Variants in PCDH11X observed in about 807,000 individuals in gnomAD.
PCDH11X encodes protocadherin 11 X-linked.
A neutral mutation model predicts 53.3 loss-of-function variants in PCDH11X; 18 were observed. That is an observed-to-expected ratio of 0.34 (90% CI 0.23 to 0.50). The LOEUF is 0.50. PCDH11X is among the 20% of genes least tolerant of loss of function. PCDH11X has a pLI of 0.98. For synonymous variants in PCDH11X, 279 were observed against 393.3 expected (o/e 0.71, Z 3.44); for missense variants, 570 against 1,032.4 (o/e 0.55, Z 6.14).
intron 6 of PCDH11X, among the ~76,000 whole-genome samples, chrX:92,197,513 G>C (rs965300879): frequency 9.0e-6 from 1 of 111,658 alleles, no homozygotes; most frequent in Non-Finnish European, 1.9e-5. Context: ...TATTTCCACA[G>C]TAAGGGTCAT....
At position 91,939,994 on chromosome X, in the gene PCDH11X, C is replaced by T. The variant is rs1469528197; in HGVS notation, c.3033+60721C>T. On this transcript the variant is annotated intron_variant, in intron 6 of 10. Transcript: ENST00000682573. The stretch of plus-strand genomic sequence containing the variant: ...GTTTGGATGTGTGCCCTGCCCAAAC[C>T]TAATACTGAAATATAATTCCCAGTT... Among the ~76,000 whole-genome samples the T allele has an allele frequency of 3.6e-5, 4 of 111,128 alleles. No individual in the cohort carries two copies. The East Asian group carries it at 1.1e-3, about 32-fold the overall frequency.
chrX:92,100,805 T>TCAAGC (rs1226526281), intron 6 of PCDH11X, among the ~76,000 whole-genome samples: 1 of 110,494 alleles, frequency 9.1e-6, no homozygotes, highest in Non-Finnish European at 1.9e-5. Flanking sequence ...CAGGGCTGCT[T>TCAAGC]CAAGCGGGAT....
At chrX:91,902,528 T>G (rs930513343) in intron 6 of PCDH11X, among the ~76,000 whole-genome samples, 2 of 104,505 alleles carry the variant, frequency 1.9e-5, no homozygotes, top group Non-Finnish European at 2.0e-5. Flanking sequence ...AGTTATATCC[T>G]CAGCCTGTTC....
chrX:92,609,969 G>A (rs1927199332), intron 10 of PCDH11X, among the ~76,000 whole-genome samples: 1 of 111,823 alleles, frequency 8.9e-6, no homozygotes, highest in African/African-American at 3.2e-5. Context: ...GTATATGCGT[G>A]CTATATATAA....
intron 5 of PCDH11X, among the ~76,000 whole-genome samples, chrX:91,869,148 T>C (rs1453139943): frequency 9.1e-6 from 1 of 110,448 alleles, no homozygotes; most frequent in Non-Finnish European, 1.9e-5. Flanking sequence ...TAAACATTAC[T>C]TTTAGGGGTG....
intron 8 of PCDH11X, among the ~76,000 whole-genome samples, chrX:92,311,294 A>T (rs776613646): frequency 3.6e-5 from 4 of 109,909 alleles, no homozygotes; most frequent in African/African-American, 9.9e-5. Flanking sequence ...AGCCTTATAA[A>T]ACTGGAAGTG....
At chrX:92,541,660 T>C (rs2074760511) in intron 10 of PCDH11X, among the ~76,000 whole-genome samples, 1 of 100,051 alleles carries the variant, frequency 1.0e-5, no homozygotes, top group Admixed American at 1.1e-4. Flanking sequence ...CTTAAGCTTT[T>C]ATTTATTTTA....
chrX:92,266,196 G>A (rs2067826130), intron 8 of PCDH11X, among the ~76,000 whole-genome samples: 1 of 111,747 alleles, frequency 8.9e-6, no homozygotes, highest in African/African-American at 3.2e-5. Flanking sequence ...GGGATTTATT[G>A]CAAATGTTTC....
At chrX:92,250,925 G>A (rs765600132) in intron 7 of PCDH11X, among the ~76,000 whole-genome samples, 6 of 109,796 alleles carry the variant, frequency 5.5e-5, no homozygotes, top group East Asian at 2.8e-4. Flanking sequence ...TGGCCATGGC[G>A]ATTGTTACAG....
chrX:92,571,938 A>G (rs1221114417), intron 10 of PCDH11X, among the ~76,000 whole-genome samples: 1 of 112,270 alleles, frequency 8.9e-6, no homozygotes, highest in Non-Finnish European at 1.9e-5. Context: ...ATATTAAACA[A>G]ATGAACAATG....
intron 6 of PCDH11X, among the ~76,000 whole-genome samples, chrX:92,112,837 C>A (rs1291473135): frequency 9.5e-6 from 1 of 105,465 alleles, no homozygotes; most frequent in Admixed American, 1.1e-4. Flanking sequence ...CAAGTTGTTT[C>A]AGTGTAAATT....
intron 10 of PCDH11X, among the ~76,000 whole-genome samples, chrX:92,531,837 G>T (rs1451189453): frequency 9.0e-6 from 1 of 111,158 alleles, no homozygotes; most frequent in Non-Finnish European, 1.9e-5. Flanking sequence ...AAATATCTTT[G>T]AGTTAATTAA....
chrX:92,106,231 A>C (rs1371180203), intron 6 of PCDH11X, among the ~76,000 whole-genome samples: 2 of 101,812 alleles, frequency 2.0e-5, no homozygotes, highest in Non-Finnish European at 3.9e-5. Flanking sequence ...TTTGATGTTA[A>C]CTTAGAGAGA....
At chrX:92,215,228 G>A (rs754122132) in intron 7 of PCDH11X, among the ~76,000 whole-genome samples, 241 of 110,293 alleles carry the variant, frequency 2.2e-3, no homozygotes, top group African/African-American at 7.2e-3. Context: ...CGCACCGTGC[G>A]CGAGGTGAAG....
intron 8 of PCDH11X, among the ~76,000 whole-genome samples, chrX:92,369,848 A>G (rs1343879644): frequency 1.8e-5 from 2 of 108,674 alleles, no homozygotes; most frequent in East Asian, 2.9e-4. Context: ...ACCAGTTCCA[A>G]TGAGATGAAC....
intron 4 of PCDH11X, among the ~76,000 whole-genome samples, chrX:91,821,227 G>T (rs1201373149): frequency 9.1e-6 from 1 of 110,436 alleles, no homozygotes; most frequent in Admixed American, 9.6e-5. Flanking sequence ...TTGGTAGCTT[G>T]ATGGGGATGG....
At chrX:91,967,643 T>C (rs1238558476) in intron 6 of PCDH11X, among the ~76,000 whole-genome samples, 1 of 110,153 alleles carries the variant, frequency 9.1e-6, no homozygotes, top group African/African-American at 3.3e-5. Flanking sequence ...AATATTTCCT[T>C]GTTTCCAACT....
intron 10 of PCDH11X, among the ~76,000 whole-genome samples, chrX:92,568,737 C>T (rs1480391639): frequency 1.1e-5 from 1 of 88,450 alleles, no homozygotes; most frequent in Admixed American, 1.2e-4. Context: ...CCTGAAGTAT[C>T]ACAATTATGC....
intron 6 of PCDH11X, among the ~76,000 whole-genome samples, chrX:92,165,645 T>C (rs1309040408): frequency 3.6e-5 from 4 of 111,783 alleles, no homozygotes; most frequent in African/African-American, 1.3e-4. Flanking sequence ...TGACCAGTGA[T>C]ATATGTTATT....
Sources: gnomAD v4.1 joint callset for allele counts (sites outside exome capture counted in the v4.1 genomes callset) on GRCh38, gnomAD v4.1.1 for gene constraint, MANE v1.5 for transcripts, NCBI Gene and HGNC (gene_info 2026-07-23, HGNC 2026-07-21) for gene names.